GRIN2A: variants seen among roughly 807,000 people sequenced by gnomAD.
GRIN2A encodes the protein glutamate ionotropic receptor NMDA type subunit 2A.
Under a neutral mutation model 113.4 loss-of-function variants are expected in GRIN2A, and 22 were observed. The observed-to-expected ratio is 0.19, with a 90% CI of 0.14 to 0.28. The LOEUF (loss-of-function observed/expected upper bound fraction) is 0.28. Ranked by LOEUF, GRIN2A falls within the 10% of genes least tolerant of loss-of-function variation. The pLI, the probability that GRIN2A is intolerant of heterozygous loss-of-function variation, is 1.00. For missense variants in GRIN2A, 1,502 were observed against 1,887.0 expected (o/e 0.80, Z 3.78); for synonymous variants, 827 against 738.4 (o/e 1.12, Z -1.94).
intron 2 of GRIN2A, among the ~76,000 whole-genome samples, chr16:9,992,513 A>C (rs1265804350): frequency 6.6e-6 from 1 of 152,212 alleles, no homozygotes; most frequent in African/African-American, 2.4e-5. Context: ...CCCAAAGTTA[A>C]GGAGAAGGTG....
chr16:10,126,475 C>G (rs1430682287), intron 2 of GRIN2A, among the ~76,000 whole-genome samples: 1 of 152,180 alleles, frequency 6.6e-6, no homozygotes, highest in Non-Finnish European at 1.5e-5. Context: ...AGTTTCATTA[C>G]CGTATTTCAA....
At chr16:10,105,676 G>A (rs2048485034) in intron 2 of GRIN2A, among the ~76,000 whole-genome samples, 1 of 152,138 alleles carries the variant, frequency 6.6e-6, no homozygotes, top group East Asian at 1.9e-4. Flanking sequence ...CTGAGTTGAG[G>A]TGGGCAGATC....
At chr16:10,160,177 T>G (rs2049782489) in intron 2 of GRIN2A, among the ~76,000 whole-genome samples, 1 of 152,242 alleles carries the variant, frequency 6.6e-6, no homozygotes, top group African/African-American at 2.4e-5. Flanking sequence ...AATACAATCC[T>G]GGACCTAGCC....
In GRIN2A at chr16:9,760,355, A is replaced by C. The variant is rs1900526197; in HGVS notation, c.*2794T>G. 5.4e-6 allele frequency: 1 copy of C among 184,878 alleles called. No individual in the cohort carries two copies. The highest frequency in any genetic ancestry group is 2.6e-5 in the African/African-American group (1 of 37,928). The allele number at this position is 184,878 out of a possible 1,614,324, so 11.5% of individuals were successfully genotyped here. Reference sequence around the variant, plus strand: ...CTCTACATCTTTTCCTTAGAAATTGACCATCTGATCAGTAGTTGATTTTTT... The same window carrying C: ...CTCTACATCTTTTCCTTAGAAATTGCCCATCTGATCAGTAGTTGATTTTTT... On this transcript the variant is annotated 3_prime_UTR_variant, in exon 13 of 13. Transcript: ENST00000330684.
chr16:9,880,287 C>T (rs909547674), intron 4 of GRIN2A, among the ~76,000 whole-genome samples: 2 of 152,176 alleles, frequency 1.3e-5, no homozygotes, highest in African/African-American at 2.4e-5. Flanking sequence ...GGAGCCCCCT[C>T]GATCCTCAAA....
At chr16:9,874,477 T>C in intron 4 of GRIN2A, among the ~76,000 whole-genome samples, 1 of 152,202 alleles carries the variant, frequency 6.6e-6, no homozygotes, top group East Asian at 1.9e-4. Context: ...ATCTTGTACC[T>C]GTAATAGTCC....
At chr16:9,766,062 C>T (rs1231424697) in intron 12 of GRIN2A, among the ~76,000 whole-genome samples, 1 of 152,160 alleles carries the variant, frequency 6.6e-6, no homozygotes, top group Non-Finnish European at 1.5e-5. Context: ...TCTGTGGCTT[C>T]CCCTGCTTCT....
intron 2 of GRIN2A, among the ~76,000 whole-genome samples, chr16:10,145,863 A>T (rs953948756): frequency 1.3e-5 from 2 of 152,228 alleles, no homozygotes; most frequent in South Asian, 4.1e-4. Context: ...GGCAGGCCAT[A>T]GTTTATAGAT....
Position 10,104,549 on chromosome 16 carries a change from A to T in GRIN2A, c.414+75449T>A, listed in dbSNP as rs145141266. On this transcript the variant is annotated intron_variant, in intron 2 of 12. Transcript: ENST00000330684. ...GATTAGATCAAAAGCACTCTTGCAT[A>T]TGGAAAGCTTGCACGAGCACAATTT... 1.6e-3 allele frequency among the ~76,000 whole-genome samples: 242 copies of T among 152,332 alleles called. 4 individuals carry two copies. Among genetic ancestry groups the T allele is most frequent in the Admixed American group, 2.9e-3 (44 of 15,296 alleles).
intron 11 of GRIN2A, among the ~76,000 whole-genome samples, chr16:9,795,883 G>C (rs1369632106): frequency 6.6e-6 from 1 of 152,136 alleles, no homozygotes; most frequent in East Asian, 1.9e-4. Flanking sequence ...AGTCATCTTT[G>C]ATAGATAACT....
intron 2 of GRIN2A, among the ~76,000 whole-genome samples, chr16:10,169,020 T>C (rs1425754893): frequency 1.4e-5 from 2 of 145,286 alleles, no homozygotes; most frequent in African/African-American, 5.1e-5. Flanking sequence ...ATAATAATAA[T>C]TTCACTCTTA....
chr16:9,971,584 T>C (rs1367184154), intron 2 of GRIN2A, among the ~76,000 whole-genome samples: 1 of 152,242 alleles, frequency 6.6e-6, no homozygotes, highest in African/African-American at 2.4e-5. Flanking sequence ...TATATAAGAA[T>C]GTAAAACTGC....
intron 4 of GRIN2A, among the ~76,000 whole-genome samples, chr16:9,856,012 G>C (rs1321694834): frequency 6.6e-6 from 1 of 152,144 alleles, no homozygotes; most frequent in East Asian, 1.9e-4. Context: ...GGCACAGTGG[G>C]CAATAATGAC....
chr16:10,047,137 G>T (rs948825762), intron 2 of GRIN2A, among the ~76,000 whole-genome samples: 1 of 152,152 alleles, frequency 6.6e-6, no homozygotes, highest in African/African-American at 2.4e-5. Context: ...AAAACCATTG[G>T]TGTACACCCT....
Position 9,762,867 on chromosome 16 carries a change from C to A in GRIN2A, c.*282G>T. On this transcript the variant is annotated 3_prime_UTR_variant, in exon 13 of 13. Coordinates refer to ENST00000330684, the MANE Select transcript of GRIN2A (RefSeq NM_001134407.3). The stretch of plus-strand genomic sequence containing the variant: ...AATGCATCATTATTGCCAACATACC[C>A]AGTAGGCATGTCCCGGAGACTTGCC... The A allele has an allele frequency of 1.9e-6, 1 of 520,708 alleles. No homozygotes were observed. The highest frequency in any genetic ancestry group is 2.4e-5 in the South Asian group (1 of 41,458). The allele number at this position is 520,708 out of a possible 1,614,324, so 32.3% of individuals were successfully genotyped here.
At chr16:9,846,236 G>C (rs966752092) in intron 5 of GRIN2A, among the ~76,000 whole-genome samples, 1 of 152,094 alleles carries the variant, frequency 6.6e-6, no homozygotes, top group Non-Finnish European at 1.5e-5. Context: ...TGGAGGCTGG[G>C]GGACTGCTTA....
chr16:10,030,882 A>C (rs892681553), intron 2 of GRIN2A, among the ~76,000 whole-genome samples: 1 of 152,194 alleles, frequency 6.6e-6, no homozygotes, highest in Non-Finnish European at 1.5e-5. Flanking sequence ...TTCTAGTGGA[A>C]AAAGCAATAA....
At chr16:9,811,337 G>A (rs966618805) in intron 10 of GRIN2A, among the ~76,000 whole-genome samples, 4 of 152,292 alleles carry the variant, frequency 2.6e-5, no homozygotes, top group Middle Eastern at 3.4e-3. Context: ...ACCTTCAGAC[G>A]AACTGTGGCT....
At chr16:9,767,054 G>C (rs900018870) in intron 12 of GRIN2A, among the ~76,000 whole-genome samples, 46 of 152,220 alleles carry the variant, frequency 3.0e-4, no homozygotes, top group Admixed American at 2.0e-4. Context: ...GTGTGCATTT[G>C]TTTGGTGCTA....
Sources: allele counts gnomAD v4.1 joint callset (sites outside exome capture counted in the v4.1 genomes callset), GRCh38; gene constraint gnomAD v4.1.1; transcripts MANE v1.5; gene names NCBI Gene and HGNC (gene_info 2026-07-23, HGNC 2026-07-21).